TEP1: variants seen among roughly 807,000 people sequenced by gnomAD.
TEP1 encodes telomerase protein component 1.
A neutral mutation model predicts 306.3 loss-of-function variants in TEP1; 241 were observed. The observed-to-expected ratio is 0.79, with a 90% CI of 0.71 to 0.88. TEP1 has a LOEUF of 0.88. Ranked by LOEUF, TEP1 falls within the 40% of genes least tolerant of loss-of-function variation. TEP1 has a pLI of 0.00. For missense variants in TEP1, 3,051 were observed against 3,276.1 expected, an observed-to-expected ratio of 0.93 and a Z score of 1.68; for synonymous variants, 1,289 against 1,305.5, an observed-to-expected ratio of 0.99 and a Z score of 0.27.
At chr14:20,375,470 G>C (rs1365068376) in intron 43 of TEP1, among the ~76,000 whole-genome samples, 1 of 152,116 alleles carries the variant, frequency 6.6e-6, no homozygotes. Flanking sequence ...TTTCTTATTA[G>C]AGAGTTCCCT....
At chr14:20,379,201 A>G in intron 35 of TEP1, 96 bp from the exon 36 acceptor site, 1 of 1,493,206 alleles carries the variant, frequency 6.7e-7, no homozygotes, top group South Asian at 1.3e-5. Context: ...GCCAAGGCAC[A>G]AAGGCCATGA....
chr14:20,396,668 T>C lies in TEP1; in HGVS notation c.1612A>G (p.Ile538Val), dbSNP rs1447618746. Reference protein sequence around the residue: ...RNLCNLLRVGISSRHHELILQ... With the variant: ...RNLCNLLRVGVSSRHHELILQ... ...ATGAGCTCATGGTGGCGGGAACTGATTCCAACCCGCAGCAGGTTGCACAGG... is the reference window on the plus strand; with the variant it reads ...ATGAGCTCATGGTGGCGGGAACTGACTCCAACCCGCAGCAGGTTGCACAGG... Residue 538 changes from isoleucine (I) to valine (V), a missense_variant, in exon 10 of 55, where the codon ATC becomes GTC. Ile to Val is a conservative substitution (Grantham distance 29). Around this residue, in one of 3 missense-constraint regions of TEP1, gnomAD observed 1,507 missense variants for 1,550.5 expected, o/e 0.97. Coordinates refer to ENST00000262715, the MANE Select transcript of TEP1 (RefSeq NM_007110.5). 6.2e-7 allele frequency: 1 copy of C among 1,612,134 alleles called. No individual in the cohort carries two copies. The highest frequency in any genetic ancestry group is 1.7e-4 in the Middle Eastern group (1 of 6,058).
chr14:20,394,703 C>T (rs1298543280), intron 12 of TEP1, among the ~76,000 whole-genome samples: 1 of 152,068 alleles, frequency 6.6e-6, no homozygotes, highest in African/African-American at 2.4e-5. Flanking sequence ...TAGTCTCAAA[C>T]TCCTGACCTC....
In TEP1 at chr14:20,376,192, C is replaced by T; in HGVS notation, c.6161G>A (p.Gly2054Asp). 1.2e-6 allele frequency: 2 copies of T among 1,614,196 alleles called. No homozygotes were observed. Among genetic ancestry groups the T allele is most frequent in the Non-Finnish European group, 1.7e-6 (2 of 1,180,038 alleles). ...RPHKAEDFPC[G>D]TELRGHEGPV... ...GCCCTCATGTCCCCGCAGCTCAGTG[C>T]CACAGGGAAAGTCTTCTGCCTTGTG... The change falls in exon 42 of 55, where the codon GGC becomes GAC. Residue 2054 changes from glycine (G) to aspartate (D), a missense_variant. By Grantham distance (94) the Gly-to-Asp change is moderately conservative. Around this residue, in one of 3 missense-constraint regions of TEP1, gnomAD observed 1,540 missense variants for 1,705.9 expected, o/e 0.90. Transcript: ENST00000262715.
At position 20,386,554 on chromosome 14, in the gene TEP1, C is replaced by G; in HGVS notation, c.2754G>C (p.Leu918=). 1.2e-6 allele frequency: 2 copies of G among 1,612,354 alleles called. No homozygotes were observed. The highest frequency in any genetic ancestry group is 1.7e-6 in the Non-Finnish European group (2 of 1,178,740). Residue 918 remains leucine, a synonymous_variant, in exon 19 of 55, where the codon CTG becomes CTC. Coordinates refer to ENST00000262715, the MANE Select transcript of TEP1 (RefSeq NM_007110.5). The part of the protein sequence containing the change: ...RDMHGERDLL[L]RSVLPALQAR... ...CCTGCAGTGCTGGCAGCACAGACCT[C>G]AGCAGCAGGTCCCGCTCCCCATGCA...
chr14:20,396,932 A>G (rs1456709288), intron 9 of TEP1, among the ~76,000 whole-genome samples: 4 of 152,144 alleles, frequency 2.6e-5, no homozygotes, highest in Non-Finnish European at 5.9e-5. Flanking sequence ...GAGAGAGGTC[A>G]GAGACCAGAG....
intron 1 of TEP1, among the ~76,000 whole-genome samples, chr14:20,409,848 A>G (rs554713534): frequency 1.4e-3 from 211 of 151,794 alleles, no homozygotes; most frequent in Admixed American, 3.3e-3. Flanking sequence ...GTGAAACCCC[A>G]TCTCTACTAA....
Position 20,386,628 on chromosome 14 carries a change from G to C in TEP1, c.2685-5C>G, listed in dbSNP as rs1206631481. The C allele has an allele frequency of 1.3e-6, 2 of 1,588,962 alleles. No homozygotes were observed. Among genetic ancestry groups the C allele is most frequent in the Non-Finnish European group, 1.7e-6 (2 of 1,164,958 alleles). On this transcript the variant is annotated splice_polypyrimidine_tract_variant and splice_region_variant and intron_variant, in intron 18 of 54. Coordinates refer to ENST00000262715, the MANE Select transcript of TEP1 (RefSeq NM_007110.5). ...AAAAGCCGGATGCTGCGCCATCTGG[G>C]GATAAGCAGAGAGCTGGGCTCAGTC...
At position 20,381,695 on chromosome 14, in the gene TEP1, G is replaced by A. The variant is rs12433941; in HGVS notation, c.4425-9C>T. 0.056 allele frequency: 89,236 copies of A among 1,591,952 alleles called. 2,862 individuals are homozygous for A. The highest frequency in any genetic ancestry group is 0.09 in the South Asian group (7,953 of 88,542). On this transcript the variant is annotated splice_polypyrimidine_tract_variant and intron_variant, in intron 30 of 54. Coordinates refer to ENST00000262715, the MANE Select transcript of TEP1 (RefSeq NM_007110.5). The surrounding 1 kb of genome is among the most constrained non-coding windows in gnomAD (Gnocchi z 4.0). ...GGCCCTCCCCTAGCAAACTGTCCTC[G>A]TGTGAGGAAGGGAGAGAGAAGAAGG...
chr14:20,383,773 T>C lies in TEP1; in HGVS notation c.3680A>G (p.Lys1227Arg). The C allele has an allele frequency of 3.7e-6, 6 of 1,611,660 alleles. No homozygotes were observed. The highest frequency in any genetic ancestry group is 5.1e-6 in the Non-Finnish European group (6 of 1,179,422). Residue 1227 changes from lysine (K) to arginine (R), a missense_variant, in exon 25 of 55, where the codon AAA becomes AGA. Physicochemically the swap from Lys to Arg is conservative, Grantham distance 26. Coordinates refer to ENST00000262715, the MANE Select transcript of TEP1 (RefSeq NM_007110.5). ...GGTGCTGGGGAGGGCACCTGGCTCT[T>C]TTAGTTGGCCACGCAGATAGGTACA... The part of the protein sequence containing the change: ...RLCTYLRGQL[K>R]EPGALPSTYR...
chr14:20,375,344 C>A lies in TEP1; in HGVS notation c.6363+411G>T, dbSNP rs139071292. Among the ~76,000 whole-genome samples the A allele has an allele frequency of 2.0e-3, 298 of 152,080 alleles. 6 individuals are homozygous for A. The East Asian group carries it at 0.05, about 26-fold the overall frequency. On this transcript the variant is annotated intron_variant, in intron 43 of 54. Transcript: ENST00000262715. ...GCTAATTTTGTATCTTTAGTAGAGA[C>A]AGGGTTTCTCCATGTTGGTCAGCCT...
chr14:20,399,663 T>C (rs1285327476), intron 9 of TEP1, among the ~76,000 whole-genome samples: 1 of 115,702 alleles, frequency 8.6e-6, no homozygotes, highest in African/African-American at 3.6e-5. Context: ...AAAAAGTACA[T>C]ATACATATAT....
In TEP1 at chr14:20,381,483, C is replaced by T. The variant is rs1019579441; in HGVS notation, c.4558+70G>A. The T allele has an allele frequency of 3.7e-6, 6 of 1,612,716 alleles. No homozygotes were observed. The Admixed American group carries it at 6.7e-5, about 18-fold the overall frequency. On this transcript the variant is annotated intron_variant, in intron 31 of 54. Coordinates refer to ENST00000262715, the MANE Select transcript of TEP1 (RefSeq NM_007110.5). The surrounding 1 kb of genome is among the most constrained non-coding windows in gnomAD (Gnocchi z 4.0). ...GTGAGCTGGCCAGCAGATGGGAGCA[C>T]AGTGGGTGGTCCTGGCCTCCAGGCC...
intron 12 of TEP1, among the ~76,000 whole-genome samples, chr14:20,392,480 A>T (rs1048753770): frequency 1.7e-5 from 2 of 114,782 alleles, no homozygotes; most frequent in African/African-American, 7.4e-5. Flanking sequence ...GCTAATGCCC[A>T]GTGAACAAAA....
At chr14:20,410,036 A>AAAAAAAAAAAAAAC (rs1879528444) in intron 1 of TEP1, among the ~76,000 whole-genome samples, 1 of 97,490 alleles carries the variant, frequency 1.0e-5, no homozygotes, top group Non-Finnish European at 2.1e-5. Context: ...AAAAAAAAAA[A>AAAAAAAAAAAAAAC]AAAAAAAAAA....
chr14:20,403,903 A>G lies in TEP1; in HGVS notation c.1033-19T>C. The G allele has an allele frequency of 6.2e-7, 1 of 1,613,942 alleles. No individual in the cohort carries two copies. The highest frequency in any genetic ancestry group is 8.5e-7 in the Non-Finnish European group (1 of 1,179,960). ...CCAGGCTCTGTCAAAGAGAGAGGAG[A>G]GACCACTAGAAGCAAGACCCAAACC... On this transcript the variant is annotated intron_variant, in intron 5 of 54. Transcript: ENST00000262715.
chr14:20,403,994 TC>T, intron 5 of TEP1, 110 bp from the exon 6 acceptor site: 2 of 1,420,146 alleles, frequency 1.4e-6, no homozygotes, highest in Non-Finnish European at 1.9e-6. Context: ...GCGAGCAAGT[TC>T]CCAGCCCTAG....
At chr14:20,406,824 T>A (rs1359500787) in intron 2 of TEP1, among the ~76,000 whole-genome samples, 1 of 152,248 alleles carries the variant, frequency 6.6e-6, no homozygotes, top group Non-Finnish European at 1.5e-5. Flanking sequence ...ACCACCTATC[T>A]GATAGGGCCA....
rs1884843930 is a variant in TEP1, at chr14:20,371,597, C to T, written c.7112G>A (p.Gly2371Glu). 1 of 1,590,374 alleles carries T rather than the reference C, an allele frequency of 6.3e-7. No homozygotes were observed. Among genetic ancestry groups the T allele is most frequent in the Non-Finnish European group, 8.5e-7 (1 of 1,174,732 alleles). The change falls in exon 50 of 55, where the codon GGG becomes GAG. Residue 2371 changes from glycine (G) to glutamate (E), a missense_variant. Physicochemically the swap from Gly to Glu is moderately conservative, Grantham distance 98 (BLOSUM62 -2). Coordinates refer to ENST00000262715, the MANE Select transcript of TEP1 (RefSeq NM_007110.5). ...HLNRILQEDLGVLTSLDWAPD... is the reference protein window; with the variant it reads ...HLNRILQEDLEVLTSLDWAPD... ...AGCCCAATCCAGACTTGTCAGCACC[C>T]CTAAGTCCTCCTGTAGAATTCGGTT... is the stretch of plus-strand genomic sequence containing the variant.
Sources: gnomAD v4.1 joint callset for allele counts (sites outside exome capture counted in the v4.1 genomes callset) on GRCh38, gnomAD v4.1.1 for gene constraint, gnomAD v4.1.1 regional missense constraint, Gnocchi (gnomAD v3.1) non-coding constraint, MANE v1.5 for transcripts, NCBI Gene and HGNC (gene_info 2026-07-23, HGNC 2026-07-21) for gene names.